The following ZNF821 variants were observed in gnomAD, a reference collection of about 807,000 sequenced individuals.
ZNF821 encodes zinc finger protein 821.
In ZNF821, 16 loss-of-function variants were observed where a neutral mutation model predicts 44.3. The observed-to-expected ratio is 0.36, with a 90% CI of 0.24 to 0.55. ZNF821 has a LOEUF of 0.55. Among genes scored for constraint, ZNF821 ranks in the 20% least tolerant of loss-of-function variants. The pLI is 0.86. For synonymous variants in ZNF821, 204 were observed against 197.6 expected (o/e 1.03, Z -0.27); for missense variants, 436 against 547.6 (o/e 0.80, Z 2.03).
At chr16:71,877,776 C>T (rs180787054) in intron 3 of ZNF821, among the ~76,000 whole-genome samples, 12 of 151,094 alleles carry the variant, frequency 7.9e-5, no homozygotes, top group East Asian at 7.9e-4. Flanking sequence ...AATATTTAGC[C>T]GGGCGTGGTG....
rs563826894 is a variant in ZNF821 at position 71,864,804 on chromosome 16, C to A, written c.312+99G>T. The A allele has an allele frequency of 3.7e-4, 545 of 1,484,706 alleles. 5 individuals carry two copies. The South Asian group carries it at 6.1e-3, about 17-fold the overall frequency. The allele number at this position is 1,484,706 out of a possible 1,614,324, so 92.0% of individuals were successfully genotyped here. A position where few individuals can be genotyped will look rare whatever the true frequency, so the allele number is the denominator to read the frequency against. Reference sequence around the variant, plus strand: ...AGGCCTCCCATGCAGGCCCAGGAGACCATCAGAGGCAAGACTGTGCCACAG... The same window carrying A: ...AGGCCTCCCATGCAGGCCCAGGAGAACATCAGAGGCAAGACTGTGCCACAG... On this transcript the variant is annotated intron_variant, in intron 5 of 7. Transcript: ENST00000425432.
intron 1 of ZNF821, among the ~76,000 whole-genome samples, chr16:71,893,614 C>T (rs969129023): frequency 4.0e-5 from 6 of 151,664 alleles, no homozygotes; most frequent in African/African-American, 1.5e-4. Flanking sequence ...TGTGTTGCCA[C>T]CACATCCGGC....
chr16:71,860,096 A>T lies in ZNF821; in HGVS notation c.1161T>A (p.Pro387=), dbSNP rs750007213. 6.2e-7 allele frequency: 1 copy of T among 1,614,232 alleles called. No homozygotes were observed. Among genetic ancestry groups the T allele is most frequent in the East Asian group, 2.2e-5 (1 of 44,890 alleles). The change falls in exon 8 of 8, where the codon CCT becomes CCA. Residue 387 remains proline (P), a synonymous_variant. Transcript: ENST00000425432. The surrounding 1 kb of genome is among the most constrained non-coding windows in gnomAD (Gnocchi z 7.3). The part of the protein sequence containing the change: ...LAAEMNFFQL[P]VSGVELDSQL... ...GGCTGTCCAACTCCACCCCACTTAC[A>T]GGCAGCTGGAAGAAGTTCATTTCAG...
intron 1 of ZNF821, 116 bp from the exon 2 acceptor site, chr16:71,883,389 C>G (rs188687296): frequency 5.6e-5 from 20 of 357,624 alleles, no homozygotes; most frequent in African/African-American, 4.3e-4. Flanking sequence ...TCTGCTTCTT[C>G]AAGCATGAGC....
intron 1 of ZNF821, among the ~76,000 whole-genome samples, chr16:71,893,362 C>T (rs1349904637): frequency 1.3e-5 from 2 of 151,424 alleles, no homozygotes; most frequent in African/African-American, 4.9e-5. Flanking sequence ...GGGGTTTCAC[C>T]ATGTGGCCAG....
intron 3 of ZNF821, among the ~76,000 whole-genome samples, chr16:71,873,872 C>T (rs1041279689): frequency 3.3e-5 from 5 of 151,706 alleles, no homozygotes; most frequent in African/African-American, 7.3e-5. Flanking sequence ...AAGCTGGTCT[C>T]GAACTCCTGG....
rs1474534956 is a variant in ZNF821 at position 71,860,896 on chromosome 16, C to A, written c.585-224G>T. Among the ~76,000 whole-genome samples the A allele has an allele frequency of 6.7e-6, 1 of 150,060 alleles. No individual in the cohort carries two copies. Among genetic ancestry groups the A allele is most frequent in the African/African-American group, 2.4e-5 (1 of 40,870 alleles). On this transcript the variant is annotated intron_variant, in intron 7 of 7. Coordinates refer to ENST00000425432, the MANE Select transcript of ZNF821 (RefSeq NM_001201552.2). This position sits in a 1 kb window ranked among gnomAD's most constrained non-coding sequence, Gnocchi z 7.3. ...TTTGAGACAGAGTCTTGCTCTGTCG[C>A]CCAGGCTGGAGTACAATGGTGCAAT...
chr16:71,880,374 A>C (rs1294347980), intron 2 of ZNF821: 1 of 155,214 alleles, frequency 6.4e-6, no homozygotes, highest in Non-Finnish European at 1.4e-5. Flanking sequence ...GATAACTCCG[A>C]TGAATTGCAA....
intron 7 of ZNF821, among the ~76,000 whole-genome samples, chr16:71,861,268 T>C (rs1233185001): frequency 1.3e-5 from 2 of 152,222 alleles, no homozygotes; most frequent in East Asian, 1.9e-4. Context: ...ATAATGATTT[T>C]GATAAGAGCT....
chr16:71,871,678 T>C (rs1406079228), intron 3 of ZNF821, among the ~76,000 whole-genome samples: 1 of 152,160 alleles, frequency 6.6e-6, no homozygotes, highest in East Asian at 1.9e-4. Flanking sequence ...TAGATATTAA[T>C]GTAGGGCAGC....
intron 3 of ZNF821, among the ~76,000 whole-genome samples, chr16:71,870,462 G>C (rs2035058964): frequency 6.7e-6 from 1 of 149,208 alleles, no homozygotes; most frequent in Non-Finnish European, 1.5e-5. Context: ...CACTGCACCA[G>C]GACCAGGGCC....
At chr16:71,877,686 A>G (rs930338282) in intron 3 of ZNF821, among the ~76,000 whole-genome samples, 3 of 151,728 alleles carry the variant, frequency 2.0e-5, no homozygotes, top group Non-Finnish European at 4.4e-5. Flanking sequence ...TGGGAGGCTG[A>G]GGTGGGTAGG....
intron 3 of ZNF821, among the ~76,000 whole-genome samples, chr16:71,874,056 C>A (rs1236200517): frequency 6.7e-6 from 1 of 150,218 alleles, no homozygotes; most frequent in African/African-American, 2.5e-5. Context: ...TCTCCCAGGT[C>A]AGAGCGATTT....
intron 3 of ZNF821, among the ~76,000 whole-genome samples, chr16:71,873,705 G>A (rs1013467116): frequency 2.0e-5 from 3 of 152,140 alleles, no homozygotes; most frequent in African/African-American, 7.2e-5. Context: ...CCAGGCTGGA[G>A]TGCAGTGGTG....
At chr16:71,865,286 G>A (rs8052358) in intron 4 of ZNF821, among the ~76,000 whole-genome samples, 37,503 of 151,996 alleles carry the variant, frequency 0.25, 4,848 homozygotes, top group Non-Finnish European at 0.27. Context: ...AATGGTTATC[G>A]TGCCCTCTAC....
At chr16:71,880,740 G>A (rs2036334774) in intron 2 of ZNF821, among the ~76,000 whole-genome samples, 1 of 152,098 alleles carries the variant, frequency 6.6e-6, no homozygotes, top group Non-Finnish European at 1.5e-5. Flanking sequence ...AATACCACCT[G>A]GCCCTCCTCA....
At position 71,893,634 on chromosome 16, in the gene ZNF821, T is replaced by C. The variant is rs930258718; in HGVS notation, n.448+1255A>G. ...TGCCACCACATCCGGCTAATTTTTG[T>C]ATTTTTAGTAGAGACGGTTTCACCA... On this transcript the variant is annotated intron_variant and non_coding_transcript_variant, in intron 1 of 2. Transcript: ENST00000561700. 5.3e-5 allele frequency among the ~76,000 whole-genome samples: 8 copies of C among 151,068 alleles called. 1 individual carries two copies. Among genetic ancestry groups the C allele is most frequent in the Admixed American group, 4.6e-4 (7 of 15,154 alleles).
In ZNF821 at chr16:71,860,094, A is replaced by T. The variant is rs1360189043; in HGVS notation, c.1163T>A (p.Val388Glu). Residue 388 changes from valine (V) to glutamate (E), a missense_variant, in exon 8 of 8, where the codon GTA (valine) becomes GAA (glutamate). Val to Glu is a moderately radical substitution (Grantham distance 121). Coordinates refer to ENST00000425432, the MANE Select transcript of ZNF821 (RefSeq NM_001201552.2). The surrounding 1 kb of genome is among the most constrained non-coding windows in gnomAD (Gnocchi z 7.3). ...AAEMNFFQLP[V>E]SGVELDSQLL... The stretch of plus-strand genomic sequence containing the variant: ...CTGGCTGTCCAACTCCACCCCACTT[A>T]CAGGCAGCTGGAAGAAGTTCATTTC... 1 of 1,614,106 alleles carries T rather than the reference A, an allele frequency of 6.2e-7. No homozygotes were observed. The highest frequency in any genetic ancestry group is 8.5e-7 in the Non-Finnish European group (1 of 1,180,042).
intron 6 of ZNF821, among the ~76,000 whole-genome samples, chr16:71,863,500 C>A (rs2034168156): frequency 1.3e-5 from 2 of 150,786 alleles, no homozygotes; most frequent in African/African-American, 4.9e-5. Flanking sequence ...TATCCTTCCA[C>A]CTCAGTCTTC....
Sources: allele counts gnomAD v4.1 joint callset (sites outside exome capture counted in the v4.1 genomes callset), GRCh38; gene constraint gnomAD v4.1.1; non-coding constraint Gnocchi (gnomAD v3.1); transcripts MANE v1.5; gene names NCBI Gene and HGNC (gene_info 2026-07-23, HGNC 2026-07-21).